SPATA13: variants seen among roughly 807,000 people sequenced by gnomAD.
SPATA13 encodes the protein spermatogenesis-associated protein 13.
SPATA13 carries 50 observed loss-of-function variants against 104.0 expected under a neutral mutation model. That is an observed-to-expected ratio of 0.48 (90% CI 0.38 to 0.61). The LOEUF (loss-of-function observed/expected upper bound fraction) is 0.61, where lower values mean the gene tolerates loss of function less well. SPATA13 is among the 20% of genes least tolerant of loss of function. The pLI, the probability that SPATA13 is intolerant of heterozygous loss-of-function variation, is 0.00. For synonymous variants in SPATA13, 606 were observed against 667.5 expected, an observed-to-expected ratio of 0.91 and a Z score of 1.42; for missense variants, 1,524 against 1,690.6, an observed-to-expected ratio of 0.90 and a Z score of 1.73.
chr13:24,234,984 G>T (rs1416111828), intron 2 of SPATA13, among the ~76,000 whole-genome samples: 7 of 152,188 alleles, frequency 4.6e-5, no homozygotes, highest in African/African-American at 9.6e-5. Context: ...TGGGATTATA[G>T]TACTGCCTGA....
chr13:24,039,594 C>T (rs1877837151), intron 3 of SPATA13, among the ~76,000 whole-genome samples: 1 of 152,202 alleles, frequency 6.6e-6, no homozygotes, highest in South Asian at 2.1e-4. Context: ...AATTCTTGGG[C>T]CTCGAGGGGT....
At chr13:24,302,560 C>T (rs778334690) in intron 12 of SPATA13, 38 bp from the exon 13 acceptor site, 2 of 1,479,764 alleles carry the variant, frequency 1.4e-6, no homozygotes, top group South Asian at 2.9e-5. Flanking sequence ...ACAAGCGACC[C>T]TCAGTCCCTG....
intron 4 of SPATA13, chr13:24,278,693 C>T: frequency 6.5e-7 from 1 of 1,543,296 alleles, no homozygotes; most frequent in Non-Finnish European, 8.7e-7. Flanking sequence ...TATAAACAAC[C>T]CTGAGAGATG....
intron 4 of SPATA13, among the ~76,000 whole-genome samples, chr13:24,277,500 T>TG (rs1302645696): frequency 2.9e-5 from 4 of 139,682 alleles, no homozygotes; most frequent in Non-Finnish European, 6.2e-5. Flanking sequence ...TAGGATGGCT[T>TG]GGGGAGGGAA....
At chr13:23,993,925 C>T (rs189383248) in intron 2 of SPATA13, among the ~76,000 whole-genome samples, 122 of 149,658 alleles carry the variant, frequency 8.2e-4, no homozygotes, top group Admixed American at 2.1e-3. Context: ...CTGGGGTGAG[C>T]GATGATTCCC....
intron 4 of SPATA13, chr13:24,270,621 T>C: frequency 6.0e-6 from 5 of 834,336 alleles, no homozygotes; most frequent in Non-Finnish European, 9.0e-6. Context: ...AATTCTCTCC[T>C]GAAGTCCCCC....
chr13:24,263,293 G>A (rs1205741593), intron 4 of SPATA13, among the ~76,000 whole-genome samples: 3 of 152,206 alleles, frequency 2.0e-5, no homozygotes, highest in Admixed American at 6.5e-5. Flanking sequence ...TGCCTGTTGC[G>A]TGATAGCAGC....
intron 2 of SPATA13, among the ~76,000 whole-genome samples, chr13:23,994,353 A>G (rs1309151154): frequency 6.6e-6 from 1 of 152,218 alleles, no homozygotes; most frequent in African/African-American, 2.4e-5. Context: ...AGCTTCAGCT[A>G]TTGTATAGAG....
intron 4 of SPATA13, among the ~76,000 whole-genome samples, chr13:24,264,798 G>T (rs1355299780): frequency 6.6e-6 from 1 of 152,170 alleles, no homozygotes; most frequent in East Asian, 1.9e-4. Flanking sequence ...TGCTTACAGA[G>T]AACAGGAAAA....
chr13:24,158,220 A>G (rs763255385), upstream of SPATA13, among the ~76,000 whole-genome samples: 14 of 152,182 alleles, frequency 9.2e-5, no homozygotes, highest in Non-Finnish European at 1.8e-4. Flanking sequence ...CAGAGAAGAA[A>G]AGAGGTCACC....
intron 3 of SPATA13, among the ~76,000 whole-genome samples, chr13:24,079,437 G>A (rs1879437946): frequency 6.6e-6 from 1 of 152,210 alleles, no homozygotes; most frequent in South Asian, 2.1e-4. Flanking sequence ...ATGGAGCAGA[G>A]CAGAGGACTC....
Position 24,019,517 on chromosome 13 carries a change from C to T in SPATA13, c.-112+1816C>T, listed in dbSNP as rs78058662. 3.6e-3 allele frequency among the ~76,000 whole-genome samples: 548 copies of T among 152,308 alleles called. 2 individuals are homozygous for T. The highest frequency in any genetic ancestry group is 0.012 in the African/African-American group (516 of 41,566). On this transcript the variant is annotated intron_variant, in intron 3 of 14. Coordinates refer to the SPATA13 transcript ENST00000424834. ...GTTTGTGAACTTACAGATCCATTACCTAGCCAAATATTTATGTGTATTTTA... is the reference window on the plus strand; with the variant it reads ...GTTTGTGAACTTACAGATCCATTACTTAGCCAAATATTTATGTGTATTTTA...
intron 4 of SPATA13, among the ~76,000 whole-genome samples, chr13:24,268,927 A>G (rs1378314364): frequency 6.6e-6 from 1 of 152,206 alleles, no homozygotes; most frequent in Non-Finnish European, 1.5e-5. Flanking sequence ...ATCAATAGAA[A>G]TAGCCACAGA....
In SPATA13 at chr13:24,089,262, T is replaced by G. The variant is rs139766693; in HGVS notation, c.-112+71561T>G. ...CCTCTGCTTCATGGTTTGCTGTTCG[T>G]ATGGTCATAACCCATGAGCAGTGCT... is the stretch of plus-strand genomic sequence containing the variant. On this transcript the variant is annotated intron_variant, in intron 3 of 14. Coordinates refer to the SPATA13 transcript ENST00000424834. Among the ~76,000 whole-genome samples, 302 of 152,326 alleles carry G rather than the reference T, an allele frequency of 2.0e-3. 1 individual carries two copies. The highest frequency in any genetic ancestry group is 6.9e-3 in the African/African-American group (287 of 41,566).
At chr13:23,981,722 C>T (rs1874910006) in intron 1 of SPATA13, among the ~76,000 whole-genome samples, 1 of 152,212 alleles carries the variant, frequency 6.6e-6, no homozygotes, top group African/African-American at 2.4e-5. Context: ...TGATAAGCCT[C>T]ATGTCTCACG....
intron 2 of SPATA13, among the ~76,000 whole-genome samples, chr13:24,234,335 A>C (rs1434438906): frequency 6.6e-6 from 1 of 152,176 alleles, no homozygotes. Flanking sequence ...TGAAGTACTA[A>C]ATACAGAAAG....
intron 3 of SPATA13, among the ~76,000 whole-genome samples, chr13:24,119,708 T>C (rs868539013): frequency 6.6e-6 from 1 of 152,168 alleles, no homozygotes; most frequent in African/African-American, 2.4e-5. Flanking sequence ...CTCCTTGCGG[T>C]GAGGGTCTTA....
In SPATA13 at chr13:24,248,883, C is replaced by CTT. The variant is rs57863513; in HGVS notation, c.1654-581_1654-580dup. On this transcript the variant is annotated intron_variant, in intron 2 of 12. Transcript: ENST00000382108. ...ACTAATTCACGATGGTGCTGATTTT[C>CTT]TTTTTTTTTTTTTTGAGAAAGAGCC... Among the ~76,000 whole-genome samples, 130 of 144,100 alleles carry CTT rather than the reference C, an allele frequency of 9.0e-4. 1 individual carries two copies. Among genetic ancestry groups the CTT allele is most frequent in the South Asian group, 1.8e-3 (8 of 4,524 alleles). The allele number at this position is 144,100 out of a possible 152,430, so 94.5% of individuals were successfully genotyped here. A position where few individuals can be genotyped will look rare whatever the true frequency, so the allele number is the denominator to read the frequency against.
chr13:24,271,025 TCTCTCTCTCTCTCTCA>T (rs1190952699), intron 4 of SPATA13: 12 of 683,750 alleles, frequency 1.8e-5, no homozygotes, highest in African/African-American at 3.6e-5. Context: ...TCTCTCACTC[TCTCTCTCTCTCTCTCA>T]CTCTCTCTCT....
Sources: allele counts gnomAD v4.1 joint callset (sites outside exome capture counted in the v4.1 genomes callset), GRCh38; gene constraint gnomAD v4.1.1; transcripts MANE v1.5; gene names NCBI Gene and HGNC (gene_info 2026-07-23, HGNC 2026-07-21).